KAT8: variants seen among roughly 807,000 people sequenced by gnomAD.
KAT8 encodes lysine acetyltransferase 8.
KAT8 carries 40 observed loss-of-function variants against 62.9 expected under a neutral mutation model. The ratio of observed to expected loss-of-function variants is 0.64; its 90% CI spans 0.49 to 0.83. The LOEUF (loss-of-function observed/expected upper bound fraction) is 0.83, where lower values mean the gene tolerates loss of function less well. KAT8 is among the 40% of genes least tolerant of loss of function. KAT8 has a pLI of 0.00. For missense variants in KAT8, 387 were observed against 614.8 expected, an observed-to-expected ratio of 0.63 and a Z score of 3.92; for synonymous variants, 278 against 254.5, an observed-to-expected ratio of 1.09 and a Z score of -0.88.
intron 6 of KAT8, among the ~76,000 whole-genome samples, 168 bp downstream of exon 6, chr16:31,128,307 G>A (rs1310937147): frequency 6.6e-6 from 1 of 152,176 alleles, no homozygotes; most frequent in Non-Finnish European, 1.5e-5. Flanking sequence ...TAGCACTTTT[G>A]GAGGCTGAGG....
chr16:31,121,454 C>T (rs1361123096), intron 3 of KAT8, among the ~76,000 whole-genome samples: 1 of 152,074 alleles, frequency 6.6e-6, no homozygotes, highest in Non-Finnish European at 1.5e-5. Context: ...ACCTCACTGA[C>T]ATTTCACAGT....
Position 31,117,811 on chromosome 16 carries a change from C to T in KAT8, c.130C>T (p.Pro44Ser). The T allele has an allele frequency of 7.0e-7, 1 of 1,431,702 alleles. No individual in the cohort carries two copies. The highest frequency in any genetic ancestry group is 3.0e-5 in the East Asian group (1 of 33,336). The allele number at this position is 1,431,702 out of a possible 1,614,324, so 88.7% of individuals were successfully genotyped here. A position where few individuals can be genotyped will look rare whatever the true frequency, so the allele number is the denominator to read the frequency against. The change falls in exon 1 of 11, where the codon CCG becomes TCG. Residue 44 changes from proline to serine, a missense_variant. Pro to Ser is a moderately conservative substitution (Grantham distance 74). Transcript: ENST00000219797. ...TAPSPGRVSP[P>S]TPARGEPEVT... ...CCCATCCCCGGGCCGCGTCTCTCCGCCGACCCCGGCGCGCGGCGAGCCGGA... is the reference window on the plus strand; with the variant it reads ...CCCATCCCCGGGCCGCGTCTCTCCGTCGACCCCGGCGCGCGGCGAGCCGGA...
chr16:31,119,002 C>T (rs1472951625), intron 1 of KAT8, among the ~76,000 whole-genome samples: 1 of 151,902 alleles, frequency 6.6e-6, no homozygotes, highest in Non-Finnish European at 1.5e-5. Flanking sequence ...TCCCACCTCA[C>T]CCTCTCAGAG....
Position 31,128,245 on chromosome 16 carries a change from A to G in KAT8, c.771+106A>G, listed in dbSNP as rs536334815. On this transcript the variant is annotated intron_variant, in intron 6 of 10. Transcript: ENST00000219797. ...AGGGGGCAGCCTTAGCTGAGCCTCT[A>G]TGGGCAGAATGCCTCTGAGGGGCCG... The G allele has an allele frequency of 1.2e-4, 103 of 833,566 alleles. 1 individual carries two copies. In the East Asian group the frequency reaches 2.4e-3, roughly 20 times the overall value. 51.6% of individuals were successfully genotyped at this position (833,566 alleles called of 1,614,324 possible).
intron 5 of KAT8, among the ~76,000 whole-genome samples, chr16:31,127,756 C>T (rs1026289348): frequency 6.6e-6 from 1 of 152,182 alleles, no homozygotes; most frequent in Non-Finnish European, 1.5e-5. Context: ...GAATCTGAAG[C>T]GAATAGGTGT....
chr16:31,126,443 A>C (rs552616545), intron 3 of KAT8: 65 of 154,802 alleles, frequency 4.2e-4, no homozygotes, highest in Non-Finnish European at 7.6e-4. Context: ...GAGTAGTCTG[A>C]GGCAAGCCTA....
intron 6 of KAT8, among the ~76,000 whole-genome samples, chr16:31,129,533 A>G (rs544445980): frequency 1.3e-5 from 2 of 151,908 alleles, no homozygotes; most frequent in African/African-American, 2.4e-5. Context: ...GTGAAGCCAA[A>G]CTCGGTCCCA....
intron 3 of KAT8, among the ~76,000 whole-genome samples, chr16:31,124,731 CA>C (rs551229166): frequency 8.0e-4 from 49 of 61,090 alleles, no homozygotes; most frequent in African/African-American, 1.4e-3. Flanking sequence ...GGCTCCATTT[CA>C]AAAAAAAAAA....
At position 31,130,112 on chromosome 16, in the gene KAT8, T is replaced by C; in HGVS notation, c.867T>C (p.Thr289=). Residue 289 remains threonine (T), a synonymous_variant, in exon 7 of 11, where the codon ACT becomes ACC. Coordinates refer to ENST00000219797, the MANE Select transcript of KAT8 (RefSeq NM_032188.3). ...DVEPFVFYIL[T]EVDRQGAHIV... is the part of the protein sequence containing the mutation. ...AGCCGTTCGTCTTTTACATCCTGAC[T>C]GAGGTGGACCGGCAGGGGGCCCACA... is the stretch of plus-strand genomic sequence containing the variant. 1 of 1,565,010 alleles carries C rather than the reference T, an allele frequency of 6.4e-7. No homozygotes were observed. The highest frequency in any genetic ancestry group is 1.5e-5 in the African/African-American group (1 of 67,072).
At chr16:31,119,800 C>T (rs1978485) in intron 1 of KAT8, among the ~76,000 whole-genome samples, 88,506 of 151,556 alleles carry the variant, frequency 0.58, 26,733 homozygotes, top group South Asian at 0.82. Context: ...CTCAGCCTCC[C>T]GAGTAGTTGG....
chr16:31,127,660 G>A (rs2057542862), intron 5 of KAT8, among the ~76,000 whole-genome samples: 1 of 152,266 alleles, frequency 6.6e-6, no homozygotes, highest in African/African-American at 2.4e-5. Context: ...GCCCCTGGCA[G>A]TGGGACCTTA....
intron 6 of KAT8, among the ~76,000 whole-genome samples, chr16:31,129,309 G>C (rs965929314): frequency 6.6e-6 from 1 of 152,216 alleles, no homozygotes; most frequent in Non-Finnish European, 1.5e-5. Flanking sequence ...GAGCATGGCT[G>C]TGTGGAATAG....
At position 31,130,777 on chromosome 16, in the gene KAT8, A is replaced by G; in HGVS notation, c.1189A>G (p.Ile397Val). The G allele has an allele frequency of 6.2e-7, 1 of 1,614,144 alleles. No homozygotes were observed. Among genetic ancestry groups the G allele is most frequent in the Non-Finnish European group, 8.5e-7 (1 of 1,180,018 alleles). ...GACCAGTATCACCCAAAATGACATCATCAGTACCCTGCAATCCCTCAATAT... is the reference window on the plus strand; with the variant it reads ...GACCAGTATCACCCAAAATGACATCGTCAGTACCCTGCAATCCCTCAATAT... ...QMTSITQNDI[I>V]STLQSLNMVK... Residue 397 changes from isoleucine to valine, a missense_variant, in exon 10 of 11, where the codon ATC becomes GTC. Ile to Val is a conservative substitution (Grantham distance 29). This residue lies in a region of KAT8 where 75 missense variants were observed against 105.7 expected (regional missense o/e 0.71). Transcript: ENST00000219797.
chr16:31,127,598 A>G (rs1266816193), intron 5 of KAT8, among the ~76,000 whole-genome samples: 1 of 151,830 alleles, frequency 6.6e-6, no homozygotes. Context: ...ACAGTAACTC[A>G]CCCCCTTCAG....
intron 6 of KAT8, among the ~76,000 whole-genome samples, chr16:31,128,554 AAAG>A (rs957513222): frequency 1.1e-4 from 16 of 152,028 alleles, no homozygotes; most frequent in Non-Finnish European, 2.2e-4. Context: ...CAAAAAAAAA[AAAG>A]AAGGCCTCTG....
At chr16:31,121,293 G>A (rs554658538) in intron 3 of KAT8, among the ~76,000 whole-genome samples, 1 of 151,860 alleles carries the variant, frequency 6.6e-6, no homozygotes, top group Non-Finnish European at 1.5e-5. Context: ...GATAATTTTT[G>A]TATTTTTAGT....
chr16:31,126,986 C>G (rs534637037), intron 3 of KAT8, 49 bp from the exon 4 acceptor site: 5 of 1,605,942 alleles, frequency 3.1e-6, no homozygotes, highest in South Asian at 2.2e-5. Context: ...GAGGGACAGC[C>G]TGGTCACCAC....
chr16:31,120,939 A>G (rs1828608012), intron 3 of KAT8: 1 of 158,350 alleles, frequency 6.3e-6, no homozygotes, highest in Admixed American at 6.3e-5. Flanking sequence ...AGGAATAGTT[A>G]CTTTTTTGGT....
At position 31,117,843 on chromosome 16, in the gene KAT8, G is replaced by A. The variant is rs1357436087; in HGVS notation, c.162G>A (p.Thr54=). 4 of 1,439,674 alleles carry A rather than the reference G, an allele frequency of 2.8e-6. No individual in the cohort carries two copies. The highest frequency in any genetic ancestry group is 3.7e-6 in the Non-Finnish European group (4 of 1,086,888). 89.2% of individuals were successfully genotyped at this position (1,439,674 alleles called of 1,614,324 possible). A position where few individuals can be genotyped will look rare whatever the true frequency, so the allele number is the denominator to read the frequency against. ...CGGCGCGCGGCGAGCCGGAAGTCACGGTGGAGATCGGAGAAACGTACCTGT... is the reference window on the plus strand; with the variant it reads ...CGGCGCGCGGCGAGCCGGAAGTCACAGTGGAGATCGGAGAAACGTACCTGT... ...PTPARGEPEV[T]VEIGETYLCR... The change falls in exon 1 of 11, where the codon ACG becomes ACA. Residue 54 remains threonine (T), a synonymous_variant. Transcript: ENST00000219797.
Sources: gnomAD v4.1 joint callset for allele counts (sites outside exome capture counted in the v4.1 genomes callset) on GRCh38, gnomAD v4.1.1 for gene constraint, gnomAD v4.1.1 regional missense constraint, MANE v1.5 for transcripts, NCBI Gene and HGNC (gene_info 2026-07-23, HGNC 2026-07-21) for gene names.